MAP7: variants seen among roughly 807,000 people sequenced by gnomAD.
MAP7 encodes microtubule associated protein 7.
A neutral mutation model predicts 94.8 loss-of-function variants in MAP7; 52 were observed. That is an observed-to-expected ratio of 0.55 (90% confidence interval 0.44 to 0.69). The LOEUF is 0.69. Ranked by LOEUF, MAP7 falls within the 30% of genes least tolerant of loss-of-function variation. The pLI is 0.00. For missense variants in MAP7, 940 were observed against 964.6 expected (o/e 0.97, Z 0.34); for synonymous variants, 350 against 357.0 (o/e 0.98, Z 0.22).
At chr6:136,448,725 C>G (rs1023483700) in intron 1 of MAP7, among the ~76,000 whole-genome samples, 2 of 151,836 alleles carry the variant, frequency 1.3e-5, no homozygotes, top group African/African-American at 4.8e-5. Flanking sequence ...CCTATGAATT[C>G]TTATAAAGGA....
intron 1 of MAP7, among the ~76,000 whole-genome samples, chr6:136,546,499 T>C (rs1171258449): frequency 1.3e-5 from 2 of 152,168 alleles, no homozygotes; most frequent in East Asian, 3.9e-4. Flanking sequence ...GCCTGGCTTA[T>C]TTCACTTAAC....
chr6:136,522,696 G>A (rs1826746354), intron 1 of MAP7, among the ~76,000 whole-genome samples: 1 of 152,154 alleles, frequency 6.6e-6, no homozygotes, highest in Admixed American at 6.5e-5. Context: ...AAAATAAACT[G>A]TATGTCATCT....
Position 136,550,364 on chromosome 6 carries a change from G to A in MAP7, c.45C>T (p.Asp15=). The A allele has an allele frequency of 1.3e-6, 2 of 1,529,210 alleles. No individual in the cohort carries two copies. Among genetic ancestry groups the A allele is most frequent in the East Asian group, 2.7e-5 (1 of 36,786 alleles). The allele number at this position is 1,529,210 out of a possible 1,614,324, so 94.7% of individuals were successfully genotyped here. The change falls in exon 1 of 18, where the codon GAC becomes GAT. Residue 15 remains aspartate, a synonymous_variant. Transcript: ENST00000354570. This position sits in a 1 kb window ranked among gnomAD's most constrained non-coding sequence, Gnocchi z 5.1. ...CACCTGTTTCGCTTCGCACTGCGCC[G>A]TCGCCGCCCCTGTGGCCGTCGCCGC... ...GAGGDGHRGG[D]GAVRSETAPD...
Position 136,510,296 on chromosome 6 carries a change from G to A in MAP7, c.67+40046C>T, listed in dbSNP as rs900199279. On this transcript the variant is annotated intron_variant, in intron 1 of 17. Coordinates refer to ENST00000354570, the MANE Select transcript of MAP7 (RefSeq NM_003980.6). The stretch of plus-strand genomic sequence containing the variant: ...GGTGAGAGGATAAGAAAGTAGAAAC[G>A]ACCCACACAGCTGGTTTTTAGGAGT... Among the ~76,000 whole-genome samples, 5 of 152,206 alleles carry A rather than the reference G, an allele frequency of 3.3e-5. No individual in the cohort carries two copies. The East Asian group carries it at 9.7e-4, about 29-fold the overall frequency.
intron 1 of MAP7, among the ~76,000 whole-genome samples, chr6:136,482,739 C>A (rs183939732): frequency 4.6e-5 from 7 of 152,226 alleles, no homozygotes; most frequent in African/African-American, 1.7e-4. Flanking sequence ...CAAGACCATT[C>A]CAGCACATTG....
chr6:136,411,669 G>C lies in MAP7; in HGVS notation c.195C>G (p.Asp65Glu). The C allele has an allele frequency of 6.4e-7, 1 of 1,568,086 alleles. No homozygotes were observed. Among genetic ancestry groups the C allele is most frequent in the Non-Finnish European group, 8.7e-7 (1 of 1,154,904 alleles). Residue 65 changes from aspartate to glutamate, a missense_variant, in exon 3 of 18, where the codon GAC (aspartate) becomes GAG (glutamate). Transcript: ENST00000354570. ...PDPPPVLRVD[D>E]RQRLARERRE... ...GTCGCTCCCGGGCCAGCCGCTGCCG[G>C]TCATCAACACGTAACACAGGCGGAG...
intron 7 of MAP7, among the ~76,000 whole-genome samples, chr6:136,374,056 G>A (rs913059596): frequency 4.6e-5 from 7 of 152,228 alleles, no homozygotes; most frequent in African/African-American, 1.7e-4. Context: ...AGCCTTGACA[G>A]TGAATAGATT....
chr6:136,436,752 GA>G (rs982499639), intron 1 of MAP7, among the ~76,000 whole-genome samples: 6 of 152,234 alleles, frequency 3.9e-5, no homozygotes, highest in East Asian at 3.9e-4. Flanking sequence ...AGCCATCTCT[GA>G]AAACAGGAAA....
At chr6:136,355,508 C>T (rs1790645005) in intron 16 of MAP7, among the ~76,000 whole-genome samples, 1 of 152,076 alleles carries the variant, frequency 6.6e-6, no homozygotes, top group Non-Finnish European at 1.5e-5. Flanking sequence ...AAGATATCAA[C>T]ACAATAGTAG....
At chr6:136,372,391 G>A in intron 8 of MAP7, 110 bp downstream of exon 8, 1 of 1,264,470 alleles carries the variant, frequency 7.9e-7, no homozygotes, top group East Asian at 2.5e-5. Flanking sequence ...GATGGTGGAT[G>A]TCACGGTCTC....
chr6:136,521,985 C>T (rs1826520284), intron 1 of MAP7, among the ~76,000 whole-genome samples: 3 of 152,212 alleles, frequency 2.0e-5, no homozygotes, highest in Admixed American at 2.0e-4. Context: ...TGTCAATTAT[C>T]TTTGCATTAC....
intron 3 of MAP7, among the ~76,000 whole-genome samples, chr6:136,399,046 A>C (rs1379548144): frequency 6.6e-6 from 1 of 152,224 alleles, no homozygotes; most frequent in Non-Finnish European, 1.5e-5. Context: ...TGAAATATTC[A>C]GACTTGTTGT....
chr6:136,434,851 G>A (rs535239145), intron 1 of MAP7, among the ~76,000 whole-genome samples: 8 of 152,326 alleles, frequency 5.3e-5, no homozygotes, highest in South Asian at 2.1e-4. Context: ...GTAGCAGGTC[G>A]GAGGAGAGGC....
At chr6:136,359,367 C>T (rs1203088726) in intron 15 of MAP7, among the ~76,000 whole-genome samples, 2 of 152,174 alleles carry the variant, frequency 1.3e-5, no homozygotes, top group Admixed American at 6.5e-5. Flanking sequence ...ACATTTAAAT[C>T]ATTTTTCTGA....
chr6:136,505,275 GTGTA>G (rs1457209827), intron 1 of MAP7, among the ~76,000 whole-genome samples: 16 of 69,154 alleles, frequency 2.3e-4, no homozygotes, highest in South Asian at 1.2e-3. Flanking sequence ...GTGTGTGTGT[GTGTA>G]TATATATATA....
intron 16 of MAP7, among the ~76,000 whole-genome samples, chr6:136,349,676 C>G (rs1788606177): frequency 6.6e-6 from 1 of 152,166 alleles, no homozygotes; most frequent in Non-Finnish European, 1.5e-5. Context: ...TTGGCATATT[C>G]ACATATTTCT....
intron 1 of MAP7, among the ~76,000 whole-genome samples, chr6:136,502,736 T>C (rs1210085040): frequency 6.6e-6 from 1 of 152,246 alleles, no homozygotes; most frequent in African/African-American, 2.4e-5. Context: ...TTACACTTAG[T>C]TTGATATGCT....
At chr6:136,543,194 C>T (rs996508705) in intron 1 of MAP7, among the ~76,000 whole-genome samples, 1 of 152,164 alleles carries the variant, frequency 6.6e-6, no homozygotes, top group Non-Finnish European at 1.5e-5. Flanking sequence ...TGCCAAAACC[C>T]GGGAACAACT....
rs183468179 is a variant in MAP7 at position 136,499,581 on chromosome 6, A to G, written c.67+50761T>C. Among the ~76,000 whole-genome samples the G allele has an allele frequency of 4.2e-4, 64 of 152,262 alleles. 1 individual carries two copies. The highest frequency in any genetic ancestry group is 1.5e-3 in the African/African-American group (61 of 41,514). Reference sequence around the variant, plus strand: ...TATCTCTCCAGACAGAGAAAGAGCTAAGACAGGGGTCAACAAGCCTAATCT... The same window carrying G: ...TATCTCTCCAGACAGAGAAAGAGCTGAGACAGGGGTCAACAAGCCTAATCT... On this transcript the variant is annotated intron_variant, in intron 1 of 17. Coordinates refer to ENST00000354570, the MANE Select transcript of MAP7 (RefSeq NM_003980.6).
Sources: allele counts gnomAD v4.1 joint callset (sites outside exome capture counted in the v4.1 genomes callset), GRCh38; gene constraint gnomAD v4.1.1; non-coding constraint Gnocchi (gnomAD v3.1); transcripts MANE v1.5; gene names NCBI Gene and HGNC (gene_info 2026-07-23, HGNC 2026-07-21).